NDUFAF2: variants seen among roughly 807,000 people sequenced by gnomAD.
The protein encoded by NDUFAF2 is NADH dehydrogenase [ubiquinone] 1 alpha subcomplex assembly factor 2.
In NDUFAF2, 13 loss-of-function variants were observed where a neutral mutation model predicts 22.8. The ratio of observed to expected loss-of-function variants is 0.57; its 90% confidence interval spans 0.37 to 0.91. The LOEUF is 0.91. Among genes scored for constraint, NDUFAF2 ranks in the 40% least tolerant of loss-of-function variants. The probability of loss-of-function intolerance (pLI) is 0.01; values close to 1 mark genes in which losing one functional copy is unlikely to be tolerated. For missense variants in NDUFAF2, 162 were observed against 195.2 expected, an observed-to-expected ratio of 0.83 and a Z score of 1.01; for synonymous variants, 53 against 64.2, an observed-to-expected ratio of 0.83 and a Z score of 0.84.
chr5:60,974,771 A>G (rs1452293382), intron 1 of NDUFAF2, among the ~76,000 whole-genome samples: 1 of 152,190 alleles, frequency 6.6e-6, no homozygotes, highest in African/African-American at 2.4e-5. Context: ...AAGAGCCAGT[A>G]GGATAGCTTA....
chr5:61,070,229 A>AT (rs991889685), intron 1 of NDUFAF2, among the ~76,000 whole-genome samples: 1 of 152,080 alleles, frequency 6.6e-6, no homozygotes, highest in African/African-American at 2.4e-5. Context: ...TACGATGGAA[A>AT]TTTTTTTGCT....
intron 1 of NDUFAF2, among the ~76,000 whole-genome samples, chr5:61,030,439 A>C (rs1415159034): frequency 6.6e-6 from 1 of 152,154 alleles, no homozygotes; most frequent in Non-Finnish European, 1.5e-5. Flanking sequence ...CATTTTAATG[A>C]AAATGGTAAG....
intron 3 of NDUFAF2, among the ~76,000 whole-genome samples, chr5:61,129,843 A>G (rs1398560799): frequency 6.6e-6 from 1 of 152,048 alleles, no homozygotes; most frequent in African/African-American, 2.4e-5. Context: ...AATAAATGCT[A>G]TTATCATACA....
chr5:61,031,220 G>A (rs1457538408), intron 1 of NDUFAF2, among the ~76,000 whole-genome samples: 1 of 151,962 alleles, frequency 6.6e-6, no homozygotes, highest in Non-Finnish European at 1.5e-5. Context: ...AACGTTGCAG[G>A]TTTGTTACAT....
At chr5:61,034,897 G>C (rs1442642428) in intron 1 of NDUFAF2, among the ~76,000 whole-genome samples, 2 of 133,630 alleles carry the variant, frequency 1.5e-5, no homozygotes, top group Non-Finnish European at 3.2e-5. Flanking sequence ...GGTTTTTTTA[G>C]GTAGGCAAAT....
intron 2 of NDUFAF2, among the ~76,000 whole-genome samples, chr5:61,089,325 C>T (rs563378409): frequency 8.9e-4 from 135 of 152,220 alleles, no homozygotes; most frequent in Middle Eastern, 3.4e-3. Flanking sequence ...AGGACTGATA[C>T]AGATTTCACC....
intron 1 of NDUFAF2, among the ~76,000 whole-genome samples, chr5:60,976,227 T>C (rs531715630): frequency 6.6e-6 from 1 of 152,034 alleles, no homozygotes; most frequent in Non-Finnish European, 1.5e-5. Context: ...TTTAAAAAAA[T>C]TTAATGGGAA....
chr5:60,953,425 C>G (rs998222189), intron 1 of NDUFAF2, among the ~76,000 whole-genome samples: 1 of 152,044 alleles, frequency 6.6e-6, no homozygotes, highest in Non-Finnish European at 1.5e-5. Flanking sequence ...CATACTGTAC[C>G]TGAAAGAATT....
At chr5:60,973,629 T>C (rs1369986250) in intron 1 of NDUFAF2, among the ~76,000 whole-genome samples, 1 of 151,966 alleles carries the variant, frequency 6.6e-6, no homozygotes, top group Non-Finnish European at 1.5e-5. Flanking sequence ...TATGCAGTAG[T>C]TTTGTTTGGA....
At chr5:60,992,238 T>C (rs1287626525) in intron 1 of NDUFAF2, among the ~76,000 whole-genome samples, 1 of 152,216 alleles carries the variant, frequency 6.6e-6, no homozygotes, top group African/African-American at 2.4e-5. Flanking sequence ...TTTCTCTTAC[T>C]CTGTGGGTTG....
chr5:61,024,271 T>C (rs1751623498), intron 1 of NDUFAF2, among the ~76,000 whole-genome samples: 1 of 152,142 alleles, frequency 6.6e-6, no homozygotes, highest in South Asian at 2.1e-4. Flanking sequence ...TAACTTTTCT[T>C]TTCCCTCCAG....
At chr5:60,957,499 CTT>C (rs35202855) in intron 1 of NDUFAF2, among the ~76,000 whole-genome samples, 57,387 of 149,568 alleles carry the variant, frequency 0.38, 11,659 homozygotes, top group East Asian at 0.79. Context: ...GATCTGTTTA[CTT>C]TTTTTTTTTT....
chr5:61,057,101 G>A (rs1449455872), intron 1 of NDUFAF2, among the ~76,000 whole-genome samples: 2 of 151,408 alleles, frequency 1.3e-5, no homozygotes, highest in African/African-American at 4.9e-5. Flanking sequence ...TGCCTCTCCA[G>A]TGAAGGCCTG....
chr5:60,999,173 C>G (rs1751264710), intron 1 of NDUFAF2, among the ~76,000 whole-genome samples: 1 of 151,676 alleles, frequency 6.6e-6, no homozygotes, highest in South Asian at 2.1e-4. Flanking sequence ...TTGATTGTTC[C>G]TCAAGTTAAA....
chr5:61,049,597 T>G (rs75646569), intron 1 of NDUFAF2, among the ~76,000 whole-genome samples: 20,238 of 152,090 alleles, frequency 0.13, 1,581 homozygotes, highest in African/African-American at 0.21. Flanking sequence ...ACAACAAGTC[T>G]TCATTCTTCT....
At chr5:61,102,263 G>A (rs150689605) in intron 3 of NDUFAF2, among the ~76,000 whole-genome samples, 1 of 152,244 alleles carries the variant, frequency 6.6e-6, no homozygotes, top group South Asian at 2.1e-4. Flanking sequence ...GGCTAATACT[G>A]TCTGACTTTA....
At position 60,948,095 on chromosome 5, in the gene NDUFAF2, T is replaced by C. The variant is rs185269431; in HGVS notation, c.127+2713T>C. 2.0e-5 allele frequency among the ~76,000 whole-genome samples: 3 copies of C among 152,354 alleles called. No individual in the cohort carries two copies. In the East Asian group the frequency reaches 5.8e-4, roughly 29 times the overall value. On this transcript the variant is annotated intron_variant, in intron 1 of 3. Transcript: ENST00000296597. ...CAGTCAAGAAAATTAACATATTCAA[T>C]ATCCACAACAATTTGTTGTGCTCCT...
intron 1 of NDUFAF2, among the ~76,000 whole-genome samples, chr5:61,027,406 T>A (rs1489782036): frequency 6.6e-6 from 1 of 151,916 alleles, no homozygotes; most frequent in Non-Finnish European, 1.5e-5. Flanking sequence ...AAATGCTTGC[T>A]TTGTCAACAT....
At chr5:61,148,484 T>G (rs1741173054) in intron 3 of NDUFAF2, among the ~76,000 whole-genome samples, 1 of 152,234 alleles carries the variant, frequency 6.6e-6, no homozygotes, top group Non-Finnish European at 1.5e-5. Context: ...TGTTTATTTT[T>G]TAATAGAATG....
Sources: allele counts gnomAD v4.1 joint callset (sites outside exome capture counted in the v4.1 genomes callset), GRCh38; gene constraint gnomAD v4.1.1; transcripts MANE v1.5; gene names NCBI Gene and HGNC (gene_info 2026-07-23, HGNC 2026-07-21).